The following TENM2 variants were observed in gnomAD, a reference collection of about 807,000 sequenced individuals.
TENM2 encodes the protein teneurin-2.
In TENM2, 52 loss-of-function variants were observed where a neutral mutation model predicts 245.2. The observed-to-expected ratio is 0.21, with a 90% confidence interval of 0.17 to 0.27. TENM2 has a LOEUF of 0.27. Among genes scored for constraint, TENM2 ranks in the 10% least tolerant of loss-of-function variants. The pLI, the probability that TENM2 is intolerant of heterozygous loss-of-function variation, is 1.00. For synonymous variants in TENM2, 1,363 were observed against 1,438.9 expected, an observed-to-expected ratio of 0.95 and a Z score of 1.19; for missense variants, 3,046 against 3,666.8, an observed-to-expected ratio of 0.83 and a Z score of 4.37.
At chr5:166,997,767 T>C in the TENM2 span, among the ~76,000 whole-genome samples, 3 of 152,274 alleles carry the variant, frequency 2.0e-5, no homozygotes, top group African/African-American at 4.8e-5. Flanking sequence ...AGATCATCCA[T>C]TGAGTCATTG....
At chr5:167,729,125 C>T (rs1436009085) in intron 2 of TENM2, 1 of 152,168 alleles carries the variant, frequency 6.6e-6, no homozygotes, top group Non-Finnish European at 1.5e-5. Context: ...AAAACCTAGG[C>T]ACAGCTTTCT....
chr5:167,469,921 A>G (rs1348014120), intron 2 of TENM2, among the ~76,000 whole-genome samples: 1 of 152,096 alleles, frequency 6.6e-6, no homozygotes, highest in Non-Finnish European at 1.5e-5. Context: ...AATCTTATAA[A>G]TTTACCATGT....
At chr5:167,169,708 A>T in the TENM2 span, among the ~76,000 whole-genome samples, 1 of 152,214 alleles carries the variant, frequency 6.6e-6, no homozygotes, top group Non-Finnish European at 1.5e-5. Flanking sequence ...CCTTTATCAC[A>T]ATAAATAAAT....
At chr5:167,703,487 G>A (rs565038716) in intron 2 of TENM2, among the ~76,000 whole-genome samples, 2 of 133,406 alleles carry the variant, frequency 1.5e-5, no homozygotes, top group South Asian at 4.7e-4. Flanking sequence ...AGCCAAGATC[G>A]CACCAATGTA....
intron 15 of TENM2, among the ~76,000 whole-genome samples, chr5:168,198,369 T>C (rs1029077521): frequency 6.6e-6 from 1 of 152,002 alleles, no homozygotes; most frequent in Non-Finnish European, 1.5e-5. Flanking sequence ...CTAATTTTTA[T>C]ATTTTTAGCA....
Position 168,112,163 on chromosome 5 carries a change from A to G in TENM2, c.1814-6129A>G, listed in dbSNP as rs557501457. ...TCCCAGGAAAATAAAATTAGTCTCCAGTATTTTTTCAAATACTTTGGTAGT... is the reference window on the plus strand; with the variant it reads ...TCCCAGGAAAATAAAATTAGTCTCCGGTATTTTTTCAAATACTTTGGTAGT... On this transcript the variant is annotated intron_variant, in intron 9 of 28. Transcript: ENST00000518659. Among the ~76,000 whole-genome samples, 5 of 152,266 alleles carry G rather than the reference A, an allele frequency of 3.3e-5. 1 individual carries two copies. The highest frequency in any genetic ancestry group is 1.2e-4 in the African/African-American group (5 of 41,548).
intron 2 of TENM2, among the ~76,000 whole-genome samples, chr5:167,726,831 G>C (rs1053997261): frequency 6.6e-6 from 1 of 152,030 alleles, no homozygotes; most frequent in African/African-American, 2.4e-5. Flanking sequence ...TTCATTCCAC[G>C]AGCTTGCTAA....
chr5:167,375,293 T>C (rs1400272039), exon 2 of TENM2: 1 of 1,551,662 alleles, frequency 6.4e-7, no homozygotes, highest in East Asian at 2.4e-5. Context: ...CCAGGGCTAC[T>C]CCCTTAGCAC....
intron 2 of TENM2, among the ~76,000 whole-genome samples, chr5:167,396,364 A>G (rs1459535583): frequency 6.6e-6 from 1 of 152,188 alleles, no homozygotes; most frequent in Admixed American, 6.5e-5. Context: ...ATCTCAGAAG[A>G]ACATATACAG....
At chr5:167,247,334 C>G in the TENM2 span, among the ~76,000 whole-genome samples, 4 of 152,152 alleles carry the variant, frequency 2.6e-5, no homozygotes, top group African/African-American at 9.6e-5. Context: ...CAGCCTGATT[C>G]TTCTGAAAGT....
chr5:167,088,720 C>T, the TENM2 span, among the ~76,000 whole-genome samples: 1 of 151,922 alleles, frequency 6.6e-6, no homozygotes, highest in East Asian at 1.9e-4. Context: ...TAGCTAATAC[C>T]AATAATGATA....
intron 3 of TENM2, among the ~76,000 whole-genome samples, chr5:167,895,372 G>A (rs1179426590): frequency 6.6e-6 from 1 of 152,142 alleles, no homozygotes; most frequent in Admixed American, 6.5e-5. Flanking sequence ...ACTGTACTAG[G>A]CATTTTAAGT....
the TENM2 span, among the ~76,000 whole-genome samples, chr5:167,045,564 G>T: frequency 6.6e-6 from 1 of 152,136 alleles, no homozygotes. Flanking sequence ...TCCTGTGATG[G>T]CTATTTAGAG....
At chr5:167,835,688 G>A (rs934752652) in intron 2 of TENM2, among the ~76,000 whole-genome samples, 1 of 151,990 alleles carries the variant, frequency 6.6e-6, no homozygotes, top group African/African-American at 2.4e-5. Flanking sequence ...ATATTCCTAG[G>A]GGTAATGGAA....
chr5:167,354,065 C>A (rs13166175), intron 1 of TENM2, among the ~76,000 whole-genome samples: 27,797 of 152,156 alleles, frequency 0.18, 2,928 homozygotes, highest in Non-Finnish European at 0.24. Flanking sequence ...TTCAGTCTAA[C>A]TGGGTTATAC....
At chr5:167,747,532 C>A (rs963385259) in intron 2 of TENM2, among the ~76,000 whole-genome samples, 1 of 152,326 alleles carries the variant, frequency 6.6e-6, no homozygotes, top group Non-Finnish European at 1.5e-5. Context: ...TGTAATACCT[C>A]ACGCTGATAC....
intron 2 of TENM2, among the ~76,000 whole-genome samples, chr5:167,661,263 T>C (rs921424895): frequency 6.6e-6 from 1 of 152,184 alleles, no homozygotes; most frequent in Non-Finnish European, 1.5e-5. Flanking sequence ...AACCAGCCCC[T>C]TCAAATGTTT....
In TENM2 at chr5:167,583,473, TACACAC is replaced by T. The variant is rs10682735; in HGVS notation, c.502+208033_502+208038del. Among the ~76,000 whole-genome samples, 228 of 137,574 alleles carry T rather than the reference TACACAC, an allele frequency of 1.7e-3. 1 individual carries two copies. Among genetic ancestry groups the T allele is most frequent in the Admixed American group, 7.3e-3 (99 of 13,484 alleles). 90.3% of individuals were successfully genotyped at this position (137,574 alleles called of 152,430 possible). A position where few individuals can be genotyped will look rare whatever the true frequency, so the allele number is the denominator to read the frequency against. ...TGTGAAAAGGCATTATGAGTATATGTACACACACACACACACACACACACACACACA... is the reference window on the plus strand; with the variant it reads ...TGTGAAAAGGCATTATGAGTATATGTACACACACACACACACACACACACA... On this transcript the variant is annotated intron_variant, in intron 2 of 28. Coordinates refer to ENST00000518659, the Ensembl canonical transcript of TENM2.
the TENM2 span, among the ~76,000 whole-genome samples, chr5:167,075,071 A>T: frequency 6.6e-6 from 1 of 152,108 alleles, no homozygotes; most frequent in African/African-American, 2.4e-5. Context: ...ATCCATTATA[A>T]ATGCAGAGTT....
Sources: gnomAD v4.1 joint callset for allele counts (sites outside exome capture counted in the v4.1 genomes callset) on GRCh38, gnomAD v4.1.1 for gene constraint, MANE v1.5 for transcripts, NCBI Gene and HGNC (gene_info 2026-07-23, HGNC 2026-07-21) for gene names.